The following KRABD2 variants were observed in gnomAD, a reference collection of about 807,000 sequenced individuals.
KRABD2 encodes the protein KRAB domain-containing protein 2.
the KRABD2 span, chr17:8,373,901 G>A: frequency 1.9e-5 from 3 of 155,248 alleles, no homozygotes; most frequent in African/African-American, 5.0e-5. Context: ...CTGCCCAGCC[G>A]CCCCGTCTGA....
the KRABD2 span, among the ~76,000 whole-genome samples, chr17:8,374,502 T>C: frequency 6.6e-6 from 1 of 151,674 alleles, no homozygotes; most frequent in Non-Finnish European, 1.5e-5. Flanking sequence ...GGCCGCAGGG[T>C]CCTCTGCCTA....
At chr17:8,370,679 C>T in the KRABD2 span, among the ~76,000 whole-genome samples, 3 of 150,716 alleles carry the variant, frequency 2.0e-5, no homozygotes, top group Non-Finnish European at 4.4e-5. Context: ...GAAACCTAAT[C>T]AACTGGTTTT....
chr17:8,376,450 G>A, the KRABD2 span: 7 of 1,030,314 alleles, frequency 6.8e-6, no homozygotes, highest in African/African-American at 1.2e-4. Context: ...CACACCACAC[G>A]GGCACGCCCG....
At chr17:8,375,562 G>T in the KRABD2 span, among the ~76,000 whole-genome samples, 3 of 150,188 alleles carry the variant, frequency 2.0e-5, no homozygotes, top group African/African-American at 4.9e-5. Context: ...AGAGGGTAGG[G>T]TCTCACTTTG....
chr17:8,363,591 G>C, the KRABD2 span, among the ~76,000 whole-genome samples: 1 of 151,474 alleles, frequency 6.6e-6, no homozygotes, highest in Non-Finnish European at 1.5e-5. Flanking sequence ...CAGGTGATCC[G>C]TCCATCTTGG....
the KRABD2 span, among the ~76,000 whole-genome samples, chr17:8,375,197 G>C: frequency 6.6e-6 from 1 of 151,722 alleles, no homozygotes; most frequent in African/African-American, 2.4e-5. Context: ...ATTTTTACTA[G>C]AGATGGGGTT....
chr17:8,359,817 C>G, the KRABD2 span: 4 of 455,890 alleles, frequency 8.8e-6, no homozygotes, highest in Non-Finnish European at 1.8e-5. Flanking sequence ...GAGCGAGATC[C>G]TAATGGTCCC....
the KRABD2 span, chr17:8,371,609 G>A: frequency 1.8e-5 from 26 of 1,479,974 alleles, no homozygotes; most frequent in Non-Finnish European, 2.1e-5. Context: ...CATCTAACAA[G>A]ATGAGTACAG....
At chr17:8,372,036 C>T in the KRABD2 span, 16 of 985,386 alleles carry the variant, frequency 1.6e-5, no homozygotes, top group African/African-American at 8.7e-5. The surrounding 1 kb of genome is among the most constrained non-coding windows in gnomAD (Gnocchi z 4.1). Flanking sequence ...AACAGGATCC[C>T]GAGATCCCAG....
the KRABD2 span, chr17:8,371,859 C>G: frequency 7.8e-6 from 8 of 1,028,988 alleles, no homozygotes; most frequent in Non-Finnish European, 9.3e-6. Context: ...AAGAGATACC[C>G]CAAATGGAGT....
the KRABD2 span, among the ~76,000 whole-genome samples, chr17:8,373,193 C>T: frequency 6.7e-6 from 1 of 149,402 alleles, no homozygotes; most frequent in Non-Finnish European, 1.5e-5. Context: ...TCTCCCTCTC[C>T]CTCTCTCTCC....
the KRABD2 span, among the ~76,000 whole-genome samples, chr17:8,362,653 A>G: frequency 1.3e-5 from 2 of 152,188 alleles, no homozygotes; most frequent in Non-Finnish European, 2.9e-5. This position sits in a 1 kb window ranked among gnomAD's most constrained non-coding sequence, Gnocchi z 4.2. Flanking sequence ...TGTTCTATAC[A>G]GTATTGAATG....
At chr17:8,369,458 G>A in the KRABD2 span, 1 of 1,614,092 alleles carries the variant, frequency 6.2e-7, no homozygotes, top group South Asian at 1.1e-5. Flanking sequence ...GGAGGCCTTT[G>A]GCCCAGTGAC....
the KRABD2 span, among the ~76,000 whole-genome samples, chr17:8,361,694 C>G: frequency 6.6e-6 from 1 of 152,130 alleles, no homozygotes; most frequent in African/African-American, 2.4e-5. Context: ...AGTAGCTGGG[C>G]CTACAGTGTG....
the KRABD2 span, chr17:8,369,688 A>C: frequency 3.7e-6 from 6 of 1,614,242 alleles, no homozygotes; most frequent in Non-Finnish European, 5.1e-6. Flanking sequence ...ATATCTAACA[A>C]GACACTGACC....
chr17:8,363,815 CATATATATATCATACATATATAT>C, the KRABD2 span, among the ~76,000 whole-genome samples: 5 of 101,548 alleles, frequency 4.9e-5, no homozygotes, highest in African/African-American at 1.6e-4. Flanking sequence ...ATATATCATA[CATATATATATCATACATATATAT>C]ATATATATAT....
At chr17:8,372,099 A>G in the KRABD2 span, 1 of 985,222 alleles carries the variant, frequency 1.0e-6, no homozygotes. This position sits in a 1 kb window ranked among gnomAD's most constrained non-coding sequence, Gnocchi z 4.1. Context: ...GCAGAGAAAG[A>G]TGGAAACTTT....
chr17:8,371,274 C>T, the KRABD2 span: 1 of 1,509,084 alleles, frequency 6.6e-7, no homozygotes, highest in Admixed American at 1.7e-5. Flanking sequence ...GACAATTGTC[C>T]ACAAGATTAA....
chr17:8,361,208 G>A, the KRABD2 span, among the ~76,000 whole-genome samples: 3 of 152,142 alleles, frequency 2.0e-5, no homozygotes, highest in African/African-American at 7.2e-5. Flanking sequence ...TCTCCATCTC[G>A]GAAGTGGGGA....
Sources: gnomAD v4.1 joint callset for allele counts (sites outside exome capture counted in the v4.1 genomes callset) on GRCh38, gnomAD v4.1.1 for gene constraint, Gnocchi (gnomAD v3.1) non-coding constraint, MANE v1.5 for transcripts, NCBI Gene and HGNC (gene_info 2026-07-23, HGNC 2026-07-21) for gene names.